SNCAIP: variants seen among roughly 807,000 people sequenced by gnomAD.
SNCAIP encodes the protein synphilin-1.
A neutral mutation model predicts 86.7 loss-of-function variants in SNCAIP; 43 were observed. That is an observed-to-expected ratio of 0.50 (90% CI 0.39 to 0.64). The LOEUF is 0.64. Among genes scored for constraint, SNCAIP ranks in the 30% least tolerant of loss-of-function variants. SNCAIP has a pLI of 0.00. For missense variants in SNCAIP, 981 were observed against 1,103.1 expected, an observed-to-expected ratio of 0.89 and a Z score of 1.57; for synonymous variants, 417 against 427.2, an observed-to-expected ratio of 0.98 and a Z score of 0.29.
intron 1 of SNCAIP, among the ~76,000 whole-genome samples, chr5:122,314,928 G>C (rs569863003): frequency 1.3e-5 from 2 of 152,134 alleles, no homozygotes; most frequent in Non-Finnish European, 2.9e-5. Flanking sequence ...CATTTTCATA[G>C]GAAATAGGAC....
At chr5:122,407,750 CAAAT>C (rs140207868) in intron 3 of SNCAIP, among the ~76,000 whole-genome samples, 18,752 of 151,860 alleles carry the variant, frequency 0.12, 1,192 homozygotes, top group South Asian at 0.24. Flanking sequence ...GAGTTACACA[CAAAT>C]AAAAAGTTTT....
At chr5:122,392,325 T>G (rs1769557983) in intron 2 of SNCAIP, among the ~76,000 whole-genome samples, 1 of 152,174 alleles carries the variant, frequency 6.6e-6, no homozygotes. Context: ...TTAGTCCTCA[T>G]TAAAACCAAT....
intron 3 of SNCAIP, among the ~76,000 whole-genome samples, chr5:122,414,363 T>TG (rs1431935994): frequency 1.3e-5 from 2 of 151,896 alleles, no homozygotes; most frequent in East Asian, 3.9e-4. Flanking sequence ...CCTGAGTAGC[T>TG]GGGATTACAG....
intron 1 of SNCAIP, among the ~76,000 whole-genome samples, chr5:122,364,745 T>C (rs1762821536): frequency 1.3e-5 from 2 of 152,184 alleles, no homozygotes; most frequent in Non-Finnish European, 1.5e-5. Context: ...TTCTTTTTTT[T>C]ATATTTCAAT....
chr5:122,408,703 A>G (rs187841029), intron 3 of SNCAIP, among the ~76,000 whole-genome samples: 1,548 of 152,326 alleles, frequency 0.01, 12 homozygotes, highest in Non-Finnish European at 0.016. Context: ...GGTGGGAAGG[A>G]AGCAAAAAAC....
intron 8 of SNCAIP, among the ~76,000 whole-genome samples, chr5:122,449,041 C>T (rs1256045577): frequency 6.6e-6 from 1 of 151,878 alleles, no homozygotes; most frequent in Non-Finnish European, 1.5e-5. Context: ...GTTACAGATG[C>T]TCCTAAATTT....
intron 1 of SNCAIP, among the ~76,000 whole-genome samples, chr5:122,374,258 C>T (rs1764830301): frequency 1.3e-5 from 2 of 152,130 alleles, no homozygotes; most frequent in East Asian, 3.9e-4. Flanking sequence ...CTGATCACTC[C>T]ACTTTGGATT....
At chr5:122,360,981 C>G (rs1173260065) in intron 1 of SNCAIP, among the ~76,000 whole-genome samples, 1 of 151,606 alleles carries the variant, frequency 6.6e-6, no homozygotes, top group Non-Finnish European at 1.5e-5. Flanking sequence ...AAAAAAATCA[C>G]CTAATTGAAA....
Position 122,425,391 on chromosome 5 carries a change from G to A in SNCAIP, c.1042G>A (p.Glu348Lys), listed in dbSNP as rs534709742. 7 of 1,613,836 alleles carry A rather than the reference G, an allele frequency of 4.3e-6. No individual in the cohort carries two copies. The highest frequency in any genetic ancestry group is 4.5e-5 in the East Asian group (2 of 44,886). ...AADNLDKIHDENGNNLLHIAA... is the reference protein window; with the variant it reads ...AADNLDKIHDKNGNNLLHIAA... ...AGACAATCTAGACAAAATTCACGAC[G>A]AAAATGGAAACAATCTATTACATAT... The change falls in exon 5 of 11, where the codon GAA (glutamate) becomes AAA (lysine). Residue 348 changes from glutamate (E) to lysine (K), a missense_variant. Glu to Lys is a moderately conservative substitution (Grantham distance 56, BLOSUM62 1). Transcript: ENST00000261368.
At chr5:122,319,499 C>T (rs147599234) in intron 1 of SNCAIP, among the ~76,000 whole-genome samples, 1 of 152,296 alleles carries the variant, frequency 6.6e-6, no homozygotes, top group East Asian at 1.9e-4. Flanking sequence ...CTTTGGAAGC[C>T]ACAGAAACTC....
At chr5:122,443,531 A>G (rs1781563427) in intron 7 of SNCAIP, 1 of 446,590 alleles carries the variant, frequency 2.2e-6, no homozygotes, top group Non-Finnish European at 4.5e-6. Flanking sequence ...TTAAAATCTC[A>G]GTCTTACTTC....
At chr5:122,395,268 C>G (rs989209487) in intron 2 of SNCAIP, among the ~76,000 whole-genome samples, 12 of 152,174 alleles carry the variant, frequency 7.9e-5, no homozygotes, top group African/African-American at 2.7e-4. Context: ...CACATGCACA[C>G]AGCCACATAT....
intron 3 of SNCAIP, among the ~76,000 whole-genome samples, chr5:122,411,125 A>G (rs1774029714): frequency 6.6e-6 from 1 of 152,236 alleles, no homozygotes; most frequent in Non-Finnish European, 1.5e-5. Context: ...TGGTAAGTAA[A>G]GAAACCGCCT....
intron 6 of SNCAIP, among the ~76,000 whole-genome samples, chr5:122,434,355 G>A (rs1208151827): frequency 6.6e-6 from 1 of 152,102 alleles, no homozygotes; most frequent in Admixed American, 6.5e-5. Context: ...GCTTTGTCTT[G>A]GGAAATGTTG....
chr5:122,330,160 C>T (rs553265552), intron 1 of SNCAIP, among the ~76,000 whole-genome samples: 4 of 101,912 alleles, frequency 3.9e-5, no homozygotes, highest in Non-Finnish European at 8.3e-5. Context: ...CTCACTCTGT[C>T]GCCCAGGCTG....
chr5:122,446,209 A>G (rs1782283375), intron 8 of SNCAIP, among the ~76,000 whole-genome samples: 1 of 152,202 alleles, frequency 6.6e-6, no homozygotes, highest in Admixed American at 6.5e-5. Flanking sequence ...AGTTCCTAGA[A>G]AAGGAATTGC....
chr5:122,354,146 T>A (rs1760510920), intron 1 of SNCAIP, among the ~76,000 whole-genome samples: 1 of 152,198 alleles, frequency 6.6e-6, no homozygotes, highest in Non-Finnish European at 1.5e-5. Context: ...CTGACACATT[T>A]ACGTGACCTG....
At chr5:122,388,162 C>T (rs1768603837) in intron 1 of SNCAIP, among the ~76,000 whole-genome samples, 1 of 152,186 alleles carries the variant, frequency 6.6e-6, no homozygotes, top group Admixed American at 6.5e-5. Context: ...GCCATGGGGA[C>T]TGCAGACCCC....
At chr5:122,338,099 C>A (rs1011680293) in intron 1 of SNCAIP, among the ~76,000 whole-genome samples, 1 of 152,146 alleles carries the variant, frequency 6.6e-6, no homozygotes, top group Non-Finnish European at 1.5e-5. Context: ...TTTTCTCAAG[C>A]AACTATTACT....
Sources: gnomAD v4.1 joint callset for allele counts (sites outside exome capture counted in the v4.1 genomes callset) on GRCh38, gnomAD v4.1.1 for gene constraint, MANE v1.5 for transcripts, NCBI Gene and HGNC (gene_info 2026-07-23, HGNC 2026-07-21) for gene names.